CRIP1: variants seen among roughly 807,000 people sequenced by gnomAD.
CRIP1 encodes the protein cysteine rich protein 1.
In CRIP1, 11 loss-of-function variants were observed where a neutral mutation model predicts 12.9. That is an observed-to-expected ratio of 0.86 (90% confidence interval 0.54 to 1.42). The LOEUF (loss-of-function observed/expected upper bound fraction) is 1.42. Ranked by LOEUF, CRIP1 falls within the 40% of genes most tolerant of loss-of-function variation. CRIP1 has a pLI of 0.00. For missense variants in CRIP1, 122 were observed against 101.3 expected (o/e 1.20, Z -0.88); for synonymous variants, 41 against 37.2 (o/e 1.10, Z -0.37).
chr14:105,486,980 C>T lies in CRIP1; in HGVS notation c.-62+8C>T. Reference sequence around the variant, plus strand: ...AAGAGCTGCGCCCTCTCAGTAAGTCCCCATGGCCCCCTGCCCCCCCGCGCT... The same window carrying T: ...AAGAGCTGCGCCCTCTCAGTAAGTCTCCATGGCCCCCTGCCCCCCCGCGCT... On this transcript the variant is annotated splice_region_variant and intron_variant, in intron 1 of 5. Coordinates refer to ENST00000392531, the MANE Select transcript of CRIP1 (RefSeq NM_001311.5). 1 of 1,136,746 alleles carries T rather than the reference C, an allele frequency of 8.8e-7. No homozygotes were observed. Among genetic ancestry groups the T allele is most frequent in the Non-Finnish European group, 1.1e-6 (1 of 943,384 alleles). The allele number at this position is 1,136,746 out of a possible 1,614,324, so 70.4% of individuals were successfully genotyped here.
rs782176146 is a variant in CRIP1, at chr14:105,488,232, A to T, written c.107A>T (p.Lys36Met). Reference sequence around the variant, plus strand: ...TGCCTGAAGTGCGAGAAATGTGGGAAGACGCTGACCTCTGGGGGCCACGCT... The same window carrying T: ...TGCCTGAAGTGCGAGAAATGTGGGATGACGCTGACCTCTGGGGGCCACGCT... The part of the protein sequence containing the change: ...RPCLKCEKCG[K>M]TLTSGGHAEH... Residue 36 changes from lysine to methionine, a missense_variant, in exon 3 of 6, where the codon AAG becomes ATG. Transcript: ENST00000392531. 1.2e-6 allele frequency: 2 copies of T among 1,613,412 alleles called. No homozygotes were observed. Among genetic ancestry groups the T allele is most frequent in the Admixed American group, 3.3e-5 (2 of 60,026 alleles).
chr14:105,488,693 AG>A lies in CRIP1; in HGVS notation c.*39del. 2 of 680,702 alleles carry A rather than the reference AG, an allele frequency of 2.9e-6. No homozygotes were observed. Among genetic ancestry groups the A allele is most frequent in the Non-Finnish European group, 5.0e-6 (2 of 398,662 alleles). The allele number at this position is 680,702 out of a possible 1,614,324, so 42.2% of individuals were successfully genotyped here. On this transcript the variant is annotated 3_prime_UTR_variant, in exon 6 of 6. Transcript: ENST00000392531. The stretch of plus-strand genomic sequence containing the variant: ...GGAGACCCCATCCTTGGCTGCTTGC[AG>A]GGCCACTGTCCAGGCAAATGCCAGG...
In CRIP1 at chr14:105,488,239, G is replaced by C; in HGVS notation, c.114G>C (p.Leu38=). ...CLKCEKCGKT[L]TSGGHAEHEG... ...AGTGCGAGAAATGTGGGAAGACGCT[G>C]ACCTCTGGGGGCCACGCTGAGGTAG... Residue 38 remains leucine, a synonymous_variant, in exon 3 of 6, where the codon CTG becomes CTC. Coordinates refer to ENST00000392531, the MANE Select transcript of CRIP1 (RefSeq NM_001311.5). 1 of 1,613,440 alleles carries C rather than the reference G, an allele frequency of 6.2e-7. No homozygotes were observed. The highest frequency in any genetic ancestry group is 1.1e-5 in the South Asian group (1 of 91,086).
Position 105,488,313 on chromosome 14 carries a change from C to A in CRIP1, c.136-18C>A, listed in dbSNP as rs376520295. ...GGCCAGGGGTGATGGCACCCCCTCA[C>A]GGCCCTTCTCTTTGCAGCACGAAGG... On this transcript the variant is annotated intron_variant, in intron 3 of 5. Coordinates refer to ENST00000392531, the MANE Select transcript of CRIP1 (RefSeq NM_001311.5). The A allele has an allele frequency of 1.2e-6, 2 of 1,613,462 alleles. No homozygotes were observed. Among genetic ancestry groups the A allele is most frequent in the Non-Finnish European group, 8.5e-7 (1 of 1,180,010 alleles).
chr14:105,487,972 G>C (rs2084138377), intron 2 of CRIP1, 194 bp from the exon 3 acceptor site: 2 of 600,644 alleles, frequency 3.3e-6, no homozygotes, highest in Non-Finnish European at 5.9e-6. Context: ...TTGTTTAGTT[G>C]TATTGGCTCT....
chr14:105,488,572 TG>T, intron 5 of CRIP1, 56 bp downstream of exon 5: 1 of 1,529,744 alleles, frequency 6.5e-7, no homozygotes, highest in Non-Finnish European at 8.9e-7. Context: ...GGGATGGGGA[TG>T]CCCCCTCCCA....
Position 105,488,242 on chromosome 14 carries a change from C to T in CRIP1, c.117C>T (p.Thr39=), listed in dbSNP as rs782401762. ...GCGAGAAATGTGGGAAGACGCTGAC[C>T]TCTGGGGGCCACGCTGAGGTAGGTG... ...LKCEKCGKTL[T]SGGHAEHEGK... is the part of the protein sequence containing the mutation. Residue 39 remains threonine, a synonymous_variant, in exon 3 of 6, where the codon ACC becomes ACT. Transcript: ENST00000392531. 1.9e-6 allele frequency: 3 copies of T among 1,613,438 alleles called. No homozygotes were observed. The highest frequency in any genetic ancestry group is 2.5e-6 in the Non-Finnish European group (3 of 1,180,016).
intron 1 of CRIP1, 51 bp downstream of exon 1, chr14:105,487,023 C>G: frequency 1.3e-5 from 18 of 1,350,682 alleles, no homozygotes; most frequent in Non-Finnish European, 1.6e-5. Context: ...CAGTCAGGCC[C>G]GGGTCCTGCC....
chr14:105,486,929 C>A lies in CRIP1; in HGVS notation c.-105C>A. The A allele has an allele frequency of 8.7e-7, 1 of 1,152,668 alleles. No individual in the cohort carries two copies. The allele number at this position is 1,152,668 out of a possible 1,614,324, so 71.4% of individuals were successfully genotyped here. On this transcript the variant is annotated 5_prime_UTR_variant, in exon 1 of 6. Transcript: ENST00000392531. ...ACCCGGGAGACATCACAGCGCTGGG[C>A]TAGGGGCGCGGCTTGAACTCGCCTA...
At position 105,488,790 on chromosome 14, in the gene CRIP1, C is replaced by T; in HGVS notation, c.*133C>T. On this transcript the variant is annotated 3_prime_UTR_variant, in exon 6 of 6. Coordinates refer to ENST00000392531, the MANE Select transcript of CRIP1 (RefSeq NM_001311.5). The stretch of plus-strand genomic sequence containing the variant: ...TCAGTAAACCTGAACACTTGGAAAA[C>T]CTGTGTGTGTACATGCGCGTGTGTG... 2 of 540,340 alleles carry T rather than the reference C, an allele frequency of 3.7e-6. No homozygotes were observed. Among genetic ancestry groups the T allele is most frequent in the Non-Finnish European group, 6.6e-6 (2 of 302,530 alleles). The allele number at this position is 540,340 out of a possible 1,614,324, so 33.5% of individuals were successfully genotyped here.
intron 1 of CRIP1, 94 bp downstream of exon 1, chr14:105,487,066 G>T: frequency 7.3e-7 from 1 of 1,369,252 alleles, no homozygotes; most frequent in East Asian, 2.9e-5. Flanking sequence ...GATCTTTCTT[G>T]GGCCCTGGGC....
Position 105,488,799 on chromosome 14 carries a change from G to T in CRIP1, c.*142G>T. ...CTGAACACTTGGAAAACCTGTGTGT[G>T]TACATGCGCGTGTGTGCTGGGGAGT... On this transcript the variant is annotated 3_prime_UTR_variant, in exon 6 of 6. Transcript: ENST00000392531. The T allele has an allele frequency of 3.9e-6, 2 of 516,686 alleles. No homozygotes were observed. 32.0% of individuals were successfully genotyped at this position (516,686 alleles called of 1,614,324 possible).
rs892085967 is a variant in CRIP1, at chr14:105,486,963, C to A, written c.-71C>A. ...CGGCTTGAACTCGCCTAAAGAGCTG[C>A]GCCCTCTCAGTAAGTCCCCATGGCC... is the stretch of plus-strand genomic sequence containing the variant. On this transcript the variant is annotated 5_prime_UTR_variant, in exon 1 of 6. Coordinates refer to ENST00000392531, the MANE Select transcript of CRIP1 (RefSeq NM_001311.5). 1.2e-5 allele frequency: 14 copies of A among 1,206,676 alleles called. No homozygotes were observed. Among genetic ancestry groups the A allele is most frequent in the African/African-American group, 1.7e-5 (1 of 58,076 alleles). 74.7% of individuals were successfully genotyped at this position (1,206,676 alleles called of 1,614,324 possible).
At chr14:105,487,087 G>T in intron 1 of CRIP1, 112 bp from the exon 2 acceptor site, 1 of 1,365,270 alleles carries the variant, frequency 7.3e-7, no homozygotes, top group Non-Finnish European at 9.6e-7. Flanking sequence ...CTAGATTCGA[G>T]GTCCCCAGGG....
rs1555438534 is a variant in CRIP1 at position 105,488,406 on chromosome 14, C to A, written c.193+18C>A. On this transcript the variant is annotated intron_variant, in intron 4 of 5. Transcript: ENST00000392531. ...GCCTAAAGGTATGCTCCCGTCATCC[C>A]CACCCCACCCCACCCCACAGCCTCC... 1 of 1,529,038 alleles carries A rather than the reference C, an allele frequency of 6.5e-7. No homozygotes were observed. The highest frequency in any genetic ancestry group is 2.3e-5 in the East Asian group (1 of 43,314). 94.7% of individuals were successfully genotyped at this position (1,529,038 alleles called of 1,614,324 possible). A position where few individuals can be genotyped will look rare whatever the true frequency, so the allele number is the denominator to read the frequency against.
rs782464647 is a variant in CRIP1, at chr14:105,488,367, G to C, written c.172G>C (p.Ala58Pro). 166 of 1,613,300 alleles carry C rather than the reference G, an allele frequency of 1.0e-4. No individual in the cohort carries two copies. Among genetic ancestry groups the C allele is most frequent in the East Asian group, 3.3e-4 (15 of 44,890 alleles). Residue 58 changes from alanine to proline, a missense_variant, in exon 4 of 6, where the codon GCA (alanine) becomes CCA (proline). By Grantham distance (27) the Ala-to-Pro change is conservative (BLOSUM62 -1). Coordinates refer to ENST00000392531, the MANE Select transcript of CRIP1 (RefSeq NM_001311.5). ...GKPYCNHPCY[A>P]AMFGPKGFGR... ...ACCCTACTGCAACCACCCCTGCTAC[G>C]CAGCCATGTTTGGGCCTAAAGGTAT...
intron 2 of CRIP1, 141 bp downstream of exon 2, chr14:105,487,440 C>A (rs1299672108): frequency 3.0e-6 from 2 of 677,876 alleles, no homozygotes; most frequent in Admixed American, 7.1e-5. Context: ...CCGCCGCCTG[C>A]CCCGGGATGA....
At chr14:105,488,412 C>CCCCCCCCCCCCCA in intron 4 of CRIP1, 24 bp downstream of exon 4, 1 of 1,599,322 alleles carries the variant, frequency 6.3e-7, no homozygotes, top group Non-Finnish European at 8.5e-7. Context: ...ATCCCCACCC[C>CCCCCCCCCCCCCA]ACCCCACCCC....
chr14:105,488,187 G>A lies in CRIP1; in HGVS notation c.62G>A (p.Gly21Asp), dbSNP rs782715129. The change falls in exon 3 of 6, where the codon GGC (glycine) becomes GAC (aspartate). Residue 21 changes from glycine to aspartate, a missense_variant. Coordinates refer to ENST00000392531, the MANE Select transcript of CRIP1 (RefSeq NM_001311.5). ...GCAGCCGAGAGGGTGACCTCTCTGGGCAAGGACTGGCATCGGCCCTGCCTG... is the reference window on the plus strand; with the variant it reads ...GCAGCCGAGAGGGTGACCTCTCTGGACAAGGACTGGCATCGGCCCTGCCTG... Reference protein sequence around the residue: ...VYFAERVTSLGKDWHRPCLKC... With the variant: ...VYFAERVTSLDKDWHRPCLKC... The A allele has an allele frequency of 2.5e-6, 4 of 1,612,960 alleles. No individual in the cohort carries two copies. In the Admixed American group the frequency reaches 6.7e-5, roughly 27 times the overall value.
Sources: allele counts gnomAD v4.1 joint callset, GRCh38; gene constraint gnomAD v4.1.1; transcripts MANE v1.5; gene names NCBI Gene and HGNC (gene_info 2026-07-23, HGNC 2026-07-21).